Variants in ZNF544 observed in about 807,000 individuals in gnomAD.
ZNF544 encodes zinc finger protein 544.
A neutral mutation model predicts 13.5 loss-of-function variants in ZNF544; 10 were observed. The observed-to-expected ratio is 0.74, with a 90% CI of 0.46 to 1.25. ZNF544 has a LOEUF of 1.25. Ranked by LOEUF, ZNF544 falls within the 50% of genes most tolerant of loss-of-function variation. The pLI is 0.00. For synonymous variants in ZNF544, 323 were observed against 300.5 expected (o/e 1.07, Z -0.77); for missense variants, 896 against 845.6 (o/e 1.06, Z -0.74).
At chr19:58,244,194 G>A (rs2044552612) in intron 4 of ZNF544, 138 bp downstream of exon 4, 2 of 659,776 alleles carry the variant, frequency 3.0e-6, no homozygotes, top group Non-Finnish European at 2.5e-6. Context: ...AAATGCTCCA[G>A]CTCCCTGCAG....
At chr19:58,245,141 T>C (rs772080228) in intron 4 of ZNF544, among the ~76,000 whole-genome samples, 7 of 152,146 alleles carry the variant, frequency 4.6e-5, no homozygotes, top group African/African-American at 1.7e-4. Context: ...GATTTCACCA[T>C]GTTGGCCAGG....
chr19:58,275,374 C>T (rs1478562224), intron 5 of ZNF544, among the ~76,000 whole-genome samples: 1 of 152,216 alleles, frequency 6.6e-6, no homozygotes, highest in South Asian at 2.1e-4. Context: ...GCCAACATCT[C>T]ATTATTATTA....
intron 3 of ZNF544, among the ~76,000 whole-genome samples, chr19:58,234,694 T>A (rs2042032692): frequency 6.6e-6 from 1 of 152,230 alleles, no homozygotes; most frequent in Non-Finnish European, 1.5e-5. Flanking sequence ...AAGGGAGGCA[T>A]GTATGAAAGC....
chr19:58,265,282 A>ATATTTATTTATTTATT (rs139270092), downstream of ZNF544, among the ~76,000 whole-genome samples: 1,549 of 147,452 alleles, frequency 0.011, 20 homozygotes, highest in Non-Finnish European at 0.015. Context: ...CCATGTCTGC[A>ATATTTATTTATTTATT]TATTTATTTA....
At chr19:58,277,131 C>CA (rs1244911687) in intron 6 of ZNF544, 2 of 1,215,888 alleles carry the variant, frequency 1.6e-6, no homozygotes, top group African/African-American at 3.1e-5. Flanking sequence ...CAGTCCAAAA[C>CA]CATGTCCTCT....
intron 3 of ZNF544, among the ~76,000 whole-genome samples, chr19:58,241,499 C>CTT (rs568335282): frequency 2.9e-5 from 4 of 138,956 alleles, no homozygotes; most frequent in Non-Finnish European, 3.2e-5. Context: ...CATTCCATTT[C>CTT]TTTTTTTTTT....
intron 5 of ZNF544, among the ~76,000 whole-genome samples, chr19:58,269,610 C>CA (rs66778347): frequency 0.021 from 2,201 of 102,396 alleles, 73 homozygotes; most frequent in African/African-American, 0.071. Context: ...GACTCTGTCT[C>CA]AAAAAAAAAA....
chr19:58,275,111 G>A (rs571788520), intron 5 of ZNF544, among the ~76,000 whole-genome samples: 71 of 152,152 alleles, frequency 4.7e-4, no homozygotes, highest in Non-Finnish European at 4.6e-4. Context: ...TCCAGATACC[G>A]AATGACTATT....
chr19:58,246,785 G>A lies in ZNF544; in HGVS notation c.235G>A (p.Ala79Thr). ...GGACCTGTGCAGGGCAGAGCAGGAG[G>A]CCCCCCGAGGTAAGAGCAGACCTTG... ...EEDLCRAEQE[A>T]PRDWKATLEE... Residue 79 changes from alanine (A) to threonine (T), a missense_variant, in exon 6 of 7, where the codon GCC becomes ACC. Coordinates refer to ENST00000687789, the MANE Select transcript of ZNF544 (RefSeq NM_014480.4). 1 of 1,613,972 alleles carries A rather than the reference G, an allele frequency of 6.2e-7. No individual in the cohort carries two copies. The highest frequency in any genetic ancestry group is 1.7e-5 in the Admixed American group (1 of 59,996).
chr19:58,238,887 A>G (rs181783057), intron 3 of ZNF544, among the ~76,000 whole-genome samples: 19 of 152,110 alleles, frequency 1.2e-4, no homozygotes, highest in Non-Finnish European at 2.4e-4. Flanking sequence ...AAAAATTACA[A>G]TGCCCTGATC....
At chr19:58,269,066 A>G (rs2050282424), downstream of ZNF544, among the ~76,000 whole-genome samples, 1 of 152,220 alleles carries the variant, frequency 6.6e-6, no homozygotes, top group South Asian at 2.1e-4. Context: ...CTGAAAGGAA[A>G]TTTTCAGGTC....
At chr19:58,276,666 C>T (rs1026908755) in intron 6 of ZNF544, among the ~76,000 whole-genome samples, 4 of 152,172 alleles carry the variant, frequency 2.6e-5, no homozygotes, top group African/African-American at 7.2e-5. Context: ...CAAGGTTTCA[C>T]CATGTTGGCC....
intron 6 of ZNF544, among the ~76,000 whole-genome samples, chr19:58,247,897 G>A (rs964088084): frequency 1.1e-4 from 17 of 152,000 alleles, no homozygotes; most frequent in Non-Finnish European, 1.9e-4. Context: ...TGTTACAATC[G>A]GCAAACCTAT....
downstream of ZNF544, among the ~76,000 whole-genome samples, chr19:58,266,086 A>G (rs2049833804): frequency 6.6e-6 from 1 of 151,642 alleles, no homozygotes; most frequent in Non-Finnish European, 1.5e-5. Context: ...TGTGCCTGTA[A>G]TCCCAGCTAC....
At chr19:58,258,517 T>TGAGGGTGCTGGGTGC (rs2048149575) in intron 6 of ZNF544, 1 of 48,516 alleles carries the variant, frequency 2.1e-5, no homozygotes, top group Admixed American at 2.4e-4. Context: ...GTGCTGGGTG[T>TGAGGGTGCTGGGTGC]GAGGGCACCA....
At chr19:58,256,392 G>A (rs775276777) in intron 6 of ZNF544, among the ~76,000 whole-genome samples, 2 of 152,032 alleles carry the variant, frequency 1.3e-5, no homozygotes, top group Non-Finnish European at 2.9e-5. Flanking sequence ...GACGGCTAAT[G>A]CTCAAAATTC....
At chr19:58,253,996 A>G (rs1314797372) in intron 6 of ZNF544, among the ~76,000 whole-genome samples, 1 of 152,098 alleles carries the variant, frequency 6.6e-6, no homozygotes, top group Non-Finnish European at 1.5e-5. Context: ...AATCCCAGGC[A>G]GGCGGATCAC....
Position 58,246,792 on chromosome 19 carries a change from G to T in ZNF544, c.242G>T (p.Arg81Leu), listed in dbSNP as rs576820348. 1 of 1,613,922 alleles carries T rather than the reference G, an allele frequency of 6.2e-7. No homozygotes were observed. The highest frequency in any genetic ancestry group is 1.7e-5 in the Admixed American group (1 of 60,010). ...TGCAGGGCAGAGCAGGAGGCCCCCCGAGGTAAGAGCAGACCTTGTGGTGAG... is the reference window on the plus strand; with the variant it reads ...TGCAGGGCAGAGCAGGAGGCCCCCCTAGGTAAGAGCAGACCTTGTGGTGAG... ...DLCRAEQEAPRDWKATLEENR... is the reference protein window; with the variant it reads ...DLCRAEQEAPLDWKATLEENR... The change falls in exon 6 of 7, where the codon CGA becomes CTA. Residue 81 changes from arginine (R) to leucine (L), a missense_variant and splice_region_variant. Physicochemically the swap from Arg to Leu is moderately radical, Grantham distance 102. Transcript: ENST00000687789.
Position 58,262,557 on chromosome 19 carries a change from CAG to C in ZNF544, c.1955_1956del (p.Arg652AsnfsTer5). The C allele has an allele frequency of 6.2e-7, 1 of 1,614,190 alleles. No homozygotes were observed. Among genetic ancestry groups the C allele is most frequent in the South Asian group, 1.1e-5 (1 of 91,078 alleles). ...FARSSYLVMH[Q>X]RTHTGEKPFE... Reference sequence around the variant, plus strand: ...AAGGAGCTCCTACCTTGTGATGCATCAGAGAACTCACACTGGTGAGAAACCTT... The same window carrying C: ...AAGGAGCTCCTACCTTGTGATGCATCAGAACTCACACTGGTGAGAAACCTT... On this transcript the variant is annotated frameshift_variant, in exon 7 of 7. Coordinates refer to ENST00000687789, the MANE Select transcript of ZNF544 (RefSeq NM_014480.4). LOFTEE classifies it low-confidence loss of function (END_TRUNC).
Sources: gnomAD v4.1 joint callset for allele counts (sites outside exome capture counted in the v4.1 genomes callset) on GRCh38, gnomAD v4.1.1 for gene constraint, MANE v1.5 for transcripts, NCBI Gene and HGNC (gene_info 2026-07-23, HGNC 2026-07-21) for gene names.